IGFN1: variants seen among roughly 807,000 people sequenced by gnomAD.
IGFN1 encodes immunoglobulin-like and fibronectin type III domain-containing protein 1.
Under a neutral mutation model 289.5 loss-of-function variants are expected in IGFN1, and 253 were observed. That is an observed-to-expected ratio of 0.87 (90% CI 0.79 to 0.97). IGFN1 has a LOEUF of 0.97. Among genes scored for constraint, IGFN1 ranks in the 50% least tolerant of loss-of-function variants. IGFN1 has a pLI of 0.00. For missense variants in IGFN1, 4,470 were observed against 4,686.1 expected, an observed-to-expected ratio of 0.95 and a Z score of 1.35; for synonymous variants, 1,706 against 1,788.5, an observed-to-expected ratio of 0.95 and a Z score of 1.16.
At chr1:201,221,234 G>T (rs1051447101) in intron 18 of IGFN1, among the ~76,000 whole-genome samples, 3 of 152,230 alleles carry the variant, frequency 2.0e-5, no homozygotes, top group African/African-American at 7.2e-5. Context: ...CTTCCTGGTG[G>T]AGGTGGCCTG....
intron 18 of IGFN1, 76 bp downstream of exon 18, chr1:201,218,734 G>A (rs1023201847): frequency 6.9e-7 from 1 of 1,450,528 alleles, no homozygotes; most frequent in South Asian, 1.3e-5. Context: ...GACTTGATGG[G>A]AGGTCAAAGG....
At chr1:201,197,902 C>A (rs923498736) in intron 5 of IGFN1, among the ~76,000 whole-genome samples, 15 of 152,186 alleles carry the variant, frequency 9.9e-5, no homozygotes, top group African/African-American at 3.6e-4. Context: ...TAAGAAATAA[C>A]GATATTTCAT....
chr1:201,206,133 A>G lies in IGFN1; in HGVS notation c.1240A>G (p.Arg414Gly). The G allele has an allele frequency of 6.4e-7, 1 of 1,550,932 alleles. No homozygotes were observed. Among genetic ancestry groups the G allele is most frequent in the Non-Finnish European group, 8.7e-7 (1 of 1,146,952 alleles). The change falls in exon 12 of 24, where the codon AGG (arginine) becomes GGG (glycine). Residue 414 changes from arginine to glycine, a missense_variant. This residue lies in a region of IGFN1 where 2,011 missense variants were observed against 1,953.4 expected (regional missense o/e 1.03). Transcript: ENST00000335211. ...QSTSADHKLQRQGAQASGAEE... is the reference protein window; with the variant it reads ...QSTSADHKLQGQGAQASGAEE... ...CACAAGTGCTGACCACAAACTGCAG[A>G]GGCAAGGAGCCCAGGCATCAGGAGC...
chr1:201,214,870 C>T (rs1349210557), intron 13 of IGFN1, 143 bp from the exon 14 acceptor site: 1 of 782,164 alleles, frequency 1.3e-6, no homozygotes, highest in African/African-American at 1.7e-5. Context: ...GTGCTAAGCA[C>T]AGAGAGCATT....
In IGFN1 at chr1:201,211,214, G is replaced by C. The variant is rs561230679; in HGVS notation, c.6321G>C (p.Arg2107Ser). ...EMESMDEAGY[R>S]KDLGAPEGIG... Reference sequence around the variant, plus strand: ...AGTCAATGGATGAGGCAGGTTATAGGAAGGATTTGGGGGCTCCTGAGGGAA... The same window carrying C: ...AGTCAATGGATGAGGCAGGTTATAGCAAGGATTTGGGGGCTCCTGAGGGAA... Residue 2107 changes from arginine to serine, a missense_variant, in exon 12 of 24, where the codon AGG (arginine) becomes AGC (serine). This residue lies in a region of IGFN1 where 2,218 missense variants were observed against 2,114.1 expected (regional missense o/e 1.05). Coordinates refer to ENST00000335211, the MANE Select transcript of IGFN1 (RefSeq NM_001164586.2). 7 of 1,533,598 alleles carry C rather than the reference G, an allele frequency of 4.6e-6. 1 individual carries two copies. The South Asian group carries it at 8.3e-5, about 18-fold the overall frequency. The allele number at this position is 1,533,598 out of a possible 1,614,324, so 95.0% of individuals were successfully genotyped here.
intron 8 of IGFN1, among the ~76,000 whole-genome samples, chr1:201,200,983 C>T (rs1434802964): frequency 6.6e-6 from 1 of 152,072 alleles, no homozygotes; most frequent in Non-Finnish European, 1.5e-5. Flanking sequence ...AGGTGCCTGC[C>T]ACCACACCCA....
At chr1:201,217,156 GCCC>G (rs781581128) in intron 16 of IGFN1, 128 bp from the exon 17 acceptor site, 103 of 793,740 alleles carry the variant, frequency 1.3e-4, no homozygotes, top group Non-Finnish European at 1.2e-4. Context: ...GGCTGCCTCA[GCCC>G]CGACACTCAC....
chr1:201,205,848 G>C (rs374379761), intron 11 of IGFN1, among the ~76,000 whole-genome samples: 8 of 152,346 alleles, frequency 5.3e-5, no homozygotes, highest in Admixed American at 1.3e-4. Context: ...GCCTATAGCA[G>C]GGTGGCCTGC....
In IGFN1 at chr1:201,205,091, C is replaced by A. The variant is rs1042095047; in HGVS notation, c.926C>A (p.Pro309Gln). The part of the protein sequence containing the change: ...STELEASAIP[P>Q]RVVVPLAETH... The stretch of plus-strand genomic sequence containing the variant: ...CCTATTTCCCCGGCAGCCATCCCCC[C>A]AAGAGTGGTGGTCCCACTGGCGGAG... The change falls in exon 11 of 24, where the codon CCA becomes CAA. Residue 309 changes from proline to glutamine, a missense_variant. By Grantham distance (76) the Pro-to-Gln change is moderately conservative. This residue lies in a region of IGFN1 where 2,011 missense variants were observed against 1,953.4 expected (regional missense o/e 1.03). Transcript: ENST00000335211. The A allele has an allele frequency of 5.4e-5, 84 of 1,545,552 alleles. No individual in the cohort carries two copies. The highest frequency in any genetic ancestry group is 7.1e-5 in the Non-Finnish European group (81 of 1,143,078).
At position 201,201,855 on chromosome 1, in the gene IGFN1, T is replaced by TG. The variant is rs200458348; in HGVS notation, c.747+30dup. The TG allele has an allele frequency of 3.7e-3, 2,796 of 746,300 alleles. 64 individuals carry two copies. The African/African-American group carries it at 0.045, about 12-fold the overall frequency. The allele number at this position is 746,300 out of a possible 1,614,324, so 46.2% of individuals were successfully genotyped here. A position where few individuals can be genotyped will look rare whatever the true frequency, so the allele number is the denominator to read the frequency against. Reference sequence around the variant, plus strand: ...AAGGTGAGGCTGGAGGGGCTATGGGTGGGGGGGATCTGGCAGGGATGCTTC... The same window carrying TG: ...AAGGTGAGGCTGGAGGGGCTATGGGTGGGGGGGGATCTGGCAGGGATGCTTC... On this transcript the variant is annotated intron_variant, in intron 9 of 23. Coordinates refer to ENST00000335211, the MANE Select transcript of IGFN1 (RefSeq NM_001164586.2).
rs1448405373 is a variant in IGFN1 at position 201,207,683 on chromosome 1, C to T, written c.2790C>T (p.Ser930=). The T allele has an allele frequency of 3.3e-6, 5 of 1,536,896 alleles. No individual in the cohort carries two copies. The East Asian group carries it at 1.2e-4, about 38-fold the overall frequency. ...EPDFWNGSGS[S]RVKGPRGETG... is the part of the protein sequence containing the mutation. ...ATTTCTGGAATGGGTCAGGGAGCTC[C>T]AGAGTAAAAGGACCCAGAGGTGAGA... Residue 930 remains serine, a synonymous_variant, in exon 12 of 24, where the codon TCC becomes TCT. Coordinates refer to ENST00000335211, the MANE Select transcript of IGFN1 (RefSeq NM_001164586.2).
chr1:201,206,351 A>G lies in IGFN1; in HGVS notation c.1458A>G (p.Gly486=), dbSNP rs748533864. Residue 486 remains glycine, a synonymous_variant, in exon 12 of 24, where the codon GGA becomes GGG. Coordinates refer to ENST00000335211, the MANE Select transcript of IGFN1 (RefSeq NM_001164586.2). ...KGTADSAWGP[G]QEGEGFPVAE... ...CAGCTGACTCAGCCTGGGGCCCTGGACAGGAGGGCGAGGGCTTTCCAGTAG... is the reference window on the plus strand; with the variant it reads ...CAGCTGACTCAGCCTGGGGCCCTGGGCAGGAGGGCGAGGGCTTTCCAGTAG... The G allele has an allele frequency of 2.1e-5, 33 of 1,550,454 alleles. No individual in the cohort carries two copies. Among genetic ancestry groups the G allele is most frequent in the Non-Finnish European group, 2.9e-5 (33 of 1,146,984 alleles).
rs537884713 is a variant in IGFN1, at chr1:201,216,295, C to G, written c.9296-159C>G. Among the ~76,000 whole-genome samples the G allele has an allele frequency of 2.4e-3, 356 of 148,126 alleles. 1 individual carries two copies. The highest frequency in any genetic ancestry group is 3.9e-3 in the Non-Finnish European group (264 of 67,602). On this transcript the variant is annotated intron_variant, in intron 15 of 23. Transcript: ENST00000335211. ...AATGTGTGGCCCTCTGGGTAATGCC[C>G]AAGGCTCTCTGGACAGTCTGCCCCA...
At chr1:201,214,512 T>A (rs1415304117) in intron 13 of IGFN1, among the ~76,000 whole-genome samples, 1 of 152,202 alleles carries the variant, frequency 6.6e-6, no homozygotes, top group African/African-American at 2.4e-5. Flanking sequence ...CCCCTCAGCA[T>A]ACCCCTTGTT....
At chr1:201,193,657 G>A (rs1572158431) in intron 2 of IGFN1, among the ~76,000 whole-genome samples, 2 of 152,142 alleles carry the variant, frequency 1.3e-5, no homozygotes, top group East Asian at 3.9e-4. Flanking sequence ...TCACCATGTT[G>A]GTCAGGCTGG....
chr1:201,213,651 A>T, intron 12 of IGFN1, 30 bp downstream of exon 12: 1 of 1,587,152 alleles, frequency 6.3e-7, no homozygotes, highest in Non-Finnish European at 8.6e-7. Context: ...GCTGGCTCCC[A>T]TGGGCTAGAG....
In IGFN1 at chr1:201,207,911, G is replaced by T. The variant is rs1301079505; in HGVS notation, c.3018G>T (p.Gly1006=). 2 of 1,536,872 alleles carry T rather than the reference G, an allele frequency of 1.3e-6. No homozygotes were observed. The highest frequency in any genetic ancestry group is 2.4e-5 in the South Asian group (2 of 84,040). The change falls in exon 12 of 24, where the codon GGG becomes GGT. Residue 1006 remains glycine, a synonymous_variant. Transcript: ENST00000335211. ...CTGCGGGAGTGGAGTCTGAGGAAGGGGGTGGGTACAGGCATGGCTCCGGAG... is the reference window on the plus strand; with the variant it reads ...CTGCGGGAGTGGAGTCTGAGGAAGGTGGTGGGTACAGGCATGGCTCCGGAG... ...RAPAGVESEE[G]GGYRHGSGAP...
In IGFN1 at chr1:201,226,101, C is replaced by G. The variant is rs201348202; in HGVS notation, c.10764C>G (p.Pro3588=). 7 of 1,601,032 alleles carry G rather than the reference C, an allele frequency of 4.4e-6. No individual in the cohort carries two copies. The highest frequency in any genetic ancestry group is 6.0e-6 in the Non-Finnish European group (7 of 1,171,882). Residue 3588 remains proline, a synonymous_variant, in exon 22 of 24, where the codon CCC becomes CCG. Transcript: ENST00000335211. ...GASKPSDTSQ[P]WCIPRQRDRF... is the part of the protein sequence containing the mutation. Reference sequence around the variant, plus strand: ...GCAAACCCTCGGACACCAGCCAGCCCTGGTGCATCCCCCGGCAGCGCGGTA... The same window carrying G: ...GCAAACCCTCGGACACCAGCCAGCCGTGGTGCATCCCCCGGCAGCGCGGTA...
Position 201,228,499 on chromosome 1 carries a change from A to T in IGFN1, c.*100A>T, listed in dbSNP as rs1654262460. The T allele has an allele frequency of 2.3e-6, 3 of 1,306,790 alleles. No individual in the cohort carries two copies. Among genetic ancestry groups the T allele is most frequent in the Non-Finnish European group, 3.3e-6 (3 of 901,056 alleles). The allele number at this position is 1,306,790 out of a possible 1,614,324, so 80.9% of individuals were successfully genotyped here. The stretch of plus-strand genomic sequence containing the variant: ...TCCCAAGGATGGAGGCTGTGCCCAG[A>T]GCCCCAGGAAAATGGGAGTGAGAAG... On this transcript the variant is annotated 3_prime_UTR_variant, in exon 24 of 24. Transcript: ENST00000335211.
Sources: gnomAD v4.1 joint callset for allele counts (sites outside exome capture counted in the v4.1 genomes callset) on GRCh38, gnomAD v4.1.1 for gene constraint, gnomAD v4.1.1 regional missense constraint, MANE v1.5 for transcripts, NCBI Gene and HGNC (gene_info 2026-07-23, HGNC 2026-07-21) for gene names.